GLDC: variants seen among roughly 807,000 people sequenced by gnomAD.
GLDC encodes glycine decarboxylase, also known as glycine dehydrogenase (decarboxylating), mitochondrial.
A neutral mutation model predicts 121.3 loss-of-function variants in GLDC; 104 were observed. That is an observed-to-expected ratio of 0.86 (90% confidence interval 0.73 to 1.01). The LOEUF (loss-of-function observed/expected upper bound fraction) is 1.01. GLDC is among the 50% of genes least tolerant of loss of function. The probability of loss-of-function intolerance (pLI) is 0.00; values close to 1 mark genes in which losing one functional copy is unlikely to be tolerated. For missense variants in GLDC, 1,429 were observed against 1,306.6 expected, an observed-to-expected ratio of 1.09 and a Z score of -1.44; for synonymous variants, 546 against 480.6, an observed-to-expected ratio of 1.14 and a Z score of -1.78.
chr9:6,581,942 G>A (rs981500996), intron 15 of GLDC, among the ~76,000 whole-genome samples: 6 of 152,110 alleles, frequency 3.9e-5, no homozygotes, highest in South Asian at 4.2e-4. Context: ...TAGGCTGGGC[G>A]TGGTGTTCCC....
At chr9:6,553,181 T>G (rs1431839057) in intron 20 of GLDC, among the ~76,000 whole-genome samples, 187 bp downstream of exon 20, 2 of 152,180 alleles carry the variant, frequency 1.3e-5, no homozygotes, top group African/African-American at 4.8e-5. Flanking sequence ...GAAGGAGAGA[T>G]GAAATGATTT....
Position 6,554,748 on chromosome 9 carries a change from C to A in GLDC, c.2236G>T (p.Asp746Tyr). Reference protein sequence around the residue: ...GICRPGDFGSDVSHLNLHKTF... With the variant: ...GICRPGDFGSYVSHLNLHKTF... ...TTGTGAAGATTTAGGTGCGAGACAT[C>A]AGACCCGAAGTCTCCAGGGCGACAG... The change falls in exon 19 of 25, where the codon GAT becomes TAT. Residue 746 changes from aspartate to tyrosine, a missense_variant. Asp to Tyr is a radical substitution (Grantham distance 160). Coordinates refer to ENST00000321612, the MANE Select transcript of GLDC (RefSeq NM_000170.3). 6.2e-7 allele frequency: 1 copy of A among 1,613,520 alleles called. No homozygotes were observed. The highest frequency in any genetic ancestry group is 8.5e-7 in the Non-Finnish European group (1 of 1,179,868).
rs546193533 is a variant in GLDC, at chr9:6,592,718, C to T, written c.1401+133G>A. ...CCACAGTGTTGCATAATGTAAATAA[C>T]ACTTGTTTATGAAAAAATAGGACTG... On this transcript the variant is annotated intron_variant, in intron 10 of 24. Coordinates refer to ENST00000321612, the MANE Select transcript of GLDC (RefSeq NM_000170.3). The T allele has an allele frequency of 5.0e-6, 4 of 792,546 alleles. No individual in the cohort carries two copies. The East Asian group carries it at 1.1e-4, about 21-fold the overall frequency. The allele number at this position is 792,546 out of a possible 1,614,324, so 49.1% of individuals were successfully genotyped here.
chr9:6,533,858 CAA>C (rs140518818), intron 24 of GLDC, among the ~76,000 whole-genome samples: 4 of 125,278 alleles, frequency 3.2e-5, no homozygotes, highest in Non-Finnish European at 1.7e-5. Flanking sequence ...AACTCTATCT[CAA>C]AAAAAAAAAA....
intron 3 of GLDC, among the ~76,000 whole-genome samples, chr9:6,618,005 A>G (rs1000304036): frequency 6.6e-6 from 1 of 152,182 alleles, no homozygotes; most frequent in Middle Eastern, 3.2e-3. Flanking sequence ...AGAGGCAACC[A>G]CTTACTCTGT....
chr9:6,629,958 T>TGTGTGTATATATATATATATG, intron 2 of GLDC, among the ~76,000 whole-genome samples: 1 of 78,660 alleles, frequency 1.3e-5, no homozygotes, highest in African/African-American at 6.1e-5. Flanking sequence ...TATATATATA[T>TGTGTGTATATATATATATATG]TTTTTTTTTT....
intron 19 of GLDC, among the ~76,000 whole-genome samples, 178 bp from the exon 20 acceptor site, chr9:6,553,687 C>G (rs1483440210): frequency 1.3e-5 from 2 of 152,148 alleles, no homozygotes; most frequent in African/African-American, 4.8e-5. Flanking sequence ...CCTTCCTCCT[C>G]TGGTGGAGGT....
Position 6,599,717 on chromosome 9 carries a change from T to A in GLDC, c.1155+2392A>T, listed in dbSNP as rs547235385. On this transcript the variant is annotated intron_variant, in intron 8 of 24. Coordinates refer to ENST00000321612, the MANE Select transcript of GLDC (RefSeq NM_000170.3). ...GCCTGGGTGACAGAGCAAGACTCCA[T>A]CTCAAAAAAAAAAAAAACAACCAAA... 5.9e-5 allele frequency among the ~76,000 whole-genome samples: 6 copies of A among 102,112 alleles called. No individual in the cohort carries two copies. In the East Asian group the frequency reaches 1.3e-3, roughly 21 times the overall value. The allele number at this position is 102,112 out of a possible 152,430, so 67.0% of individuals were successfully genotyped here. A position where few individuals can be genotyped will look rare whatever the true frequency, so the allele number is the denominator to read the frequency against.
At position 6,606,637 on chromosome 9, in the gene GLDC, G is replaced by C. The variant is rs201049516; in HGVS notation, c.668C>G (p.Pro223Arg). The C allele has an allele frequency of 1.2e-4, 193 of 1,608,952 alleles. No individual in the cohort carries two copies. The East Asian group carries it at 4.2e-3, about 35-fold the overall frequency. Reference sequence around the variant, plus strand: ...AGCTATTGTCTGTGGGTGGCAACGGGGATCAACGAGAAATTTCCTCCTCTT... The same window carrying C: ...AGCTATTGTCTGTGGGTGGCAACGGCGATCAACGAGAAATTTCCTCCTCTT... Reference protein sequence around the residue: ...HNKRRKFLVDPRCHPQTIAVV... With the variant: ...HNKRRKFLVDRRCHPQTIAVV... The change falls in exon 5 of 25, where the codon CCC (proline) becomes CGC (arginine). Residue 223 changes from proline to arginine, a missense_variant. Pro to Arg is a moderately radical substitution (Grantham distance 103). Coordinates refer to ENST00000321612, the MANE Select transcript of GLDC (RefSeq NM_000170.3).
At chr9:6,622,215 G>A (rs1819114828) in intron 2 of GLDC, among the ~76,000 whole-genome samples, 1 of 148,998 alleles carries the variant, frequency 6.7e-6, no homozygotes, top group Non-Finnish European at 1.5e-5. Flanking sequence ...TGCTTTCCCA[G>A]GAAATAAATT....
At chr9:6,599,030 AAAT>A (rs1818545752) in intron 8 of GLDC, among the ~76,000 whole-genome samples, 1 of 152,068 alleles carries the variant, frequency 6.6e-6, no homozygotes, top group African/African-American at 2.4e-5. Context: ...AAAATACAAA[AAAT>A]ATTAGCCAGG....
At chr9:6,541,513 A>C (rs1817257112) in intron 21 of GLDC, 1 of 152,142 alleles carries the variant, frequency 6.6e-6, no homozygotes, top group African/African-American at 2.4e-5. Flanking sequence ...TCTGCTTCTT[A>C]TAGAATGAAT....
intron 17 of GLDC, among the ~76,000 whole-genome samples, chr9:6,556,511 G>A (rs760749012): frequency 6.6e-6 from 1 of 152,182 alleles, no homozygotes; most frequent in African/African-American, 2.4e-5. Context: ...ATAAGATCCT[G>A]GCTGGGTGTG....
chr9:6,538,662 A>T (rs1386115063), intron 22 of GLDC, among the ~76,000 whole-genome samples: 1 of 152,238 alleles, frequency 6.6e-6, no homozygotes, highest in Non-Finnish European at 1.5e-5. Context: ...GTCAGGAGAC[A>T]ACATGATTCA....
chr9:6,588,695 A>G lies in GLDC; in HGVS notation c.1588T>C (p.Ser530Pro), dbSNP rs2129837610. The stretch of plus-strand genomic sequence containing the variant: ...ATGTACCGGACAATGTTTGTTTCAG[A>G]GTGGTAGCTGTGAACACAAAACACA... ...LTHQVFNSYHSETNIVRYMKK... is the reference protein window; with the variant it reads ...LTHQVFNSYHPETNIVRYMKK... The change falls in exon 13 of 25, where the codon TCT becomes CCT. Residue 530 changes from serine (S) to proline (P), a missense_variant. Coordinates refer to ENST00000321612, the MANE Select transcript of GLDC (RefSeq NM_000170.3). 1 of 1,611,920 alleles carries G rather than the reference A, an allele frequency of 6.2e-7. No homozygotes were observed. The highest frequency in any genetic ancestry group is 2.2e-5 in the East Asian group (1 of 44,874).
chr9:6,637,125 G>T (rs536662478), intron 2 of GLDC, among the ~76,000 whole-genome samples: 1 of 151,126 alleles, frequency 6.6e-6, no homozygotes, highest in Admixed American at 6.6e-5. Flanking sequence ...AATGGCTCAC[G>T]CCTGTAATGC....
At chr9:6,553,969 C>T (rs574868887) in intron 19 of GLDC, among the ~76,000 whole-genome samples, 1 of 152,030 alleles carries the variant, frequency 6.6e-6, no homozygotes, top group Non-Finnish European at 1.5e-5. Flanking sequence ...CAAAATGAAT[C>T]TCACTTTAAC....
rs374248745 is a variant in GLDC at position 6,610,370 on chromosome 9, A to G, written c.471-14T>C. ...TACTGGGTGATCCTGCAAGGGAAAC[A>G]AAAGGTCTTGTCCAAACTGACTGCT... On this transcript the variant is annotated splice_polypyrimidine_tract_variant and intron_variant, in intron 3 of 24. Transcript: ENST00000321612. 99 of 1,613,522 alleles carry G rather than the reference A, an allele frequency of 6.1e-5. No individual in the cohort carries two copies. In the African/African-American group the frequency reaches 1.2e-3, roughly 19 times the overall value.
intron 16 of GLDC, 106 bp from the exon 17 acceptor site, chr9:6,558,790 GT>G: frequency 8.4e-7 from 1 of 1,185,378 alleles, no homozygotes; most frequent in Non-Finnish European, 1.2e-6. Flanking sequence ...GACACCACCT[GT>G]TTTTATTTAG....
Sources: gnomAD v4.1 joint callset for allele counts (sites outside exome capture counted in the v4.1 genomes callset) on GRCh38, gnomAD v4.1.1 for gene constraint, MANE v1.5 for transcripts, NCBI Gene and HGNC (gene_info 2026-07-23, HGNC 2026-07-21) for gene names.